CBL: variants seen among roughly 807,000 people sequenced by gnomAD.
CBL encodes E3 ubiquitin-protein ligase CBL.
CBL carries 45 observed loss-of-function variants against 96.9 expected under a neutral mutation model. The observed-to-expected ratio is 0.46, with a 90% CI of 0.37 to 0.60. CBL has a LOEUF of 0.60. Among genes scored for constraint, CBL ranks in the 20% least tolerant of loss-of-function variants. CBL has a pLI of 0.00. For missense variants in CBL, 1,024 were observed against 1,143.5 expected (o/e 0.90, Z 1.51); for synonymous variants, 420 against 426.8 (o/e 0.98, Z 0.20).
intron 1 of CBL, among the ~76,000 whole-genome samples, chr11:119,207,440 G>T (rs558341944): frequency 2.8e-4 from 42 of 152,270 alleles, no homozygotes; most frequent in African/African-American, 1.0e-3. Context: ...TTCTGGTAAC[G>T]GTTCTGACTC....
At chr11:119,281,912 C>A (rs1949937380) in intron 9 of CBL, among the ~76,000 whole-genome samples, 1 of 152,034 alleles carries the variant, frequency 6.6e-6, no homozygotes, top group Non-Finnish European at 1.5e-5. Context: ...ATGTAATAAA[C>A]CCTTTCTATT....
In CBL at chr11:119,306,530, G is replaced by C. The variant is rs972769340; in HGVS notation, c.*6749G>C. ...TGCCACCTCCATGCTGAGCCCTGAA[G>C]CAGGGTGTCCTGGGTGCCTGTGTGT... On this transcript the variant is annotated 3_prime_UTR_variant, in exon 16 of 16. Coordinates refer to ENST00000264033, the MANE Select transcript of CBL (RefSeq NM_005188.4). 2.5e-6 allele frequency: 1 copy of C among 396,472 alleles called. No individual in the cohort carries two copies. The highest frequency in any genetic ancestry group is 2.1e-5 in the African/African-American group (1 of 48,576). 24.6% of individuals were successfully genotyped at this position (396,472 alleles called of 1,614,324 possible).
chr11:119,228,151 C>T (rs908362318), intron 1 of CBL, among the ~76,000 whole-genome samples: 21 of 151,260 alleles, frequency 1.4e-4, no homozygotes, highest in African/African-American at 4.9e-4. Context: ...AGTCTCATTC[C>T]GTTGCCCAGG....
At chr11:119,224,988 A>G (rs1290014489) in intron 1 of CBL, among the ~76,000 whole-genome samples, 2 of 152,018 alleles carry the variant, frequency 1.3e-5, no homozygotes, top group African/African-American at 4.8e-5. Context: ...TGAAGGGTCA[A>G]CTGTATACCT....
intron 1 of CBL, 109 bp downstream of exon 1, chr11:119,206,721 GC>G (rs1437740386): frequency 2.4e-6 from 3 of 1,226,498 alleles, no homozygotes; most frequent in African/African-American, 3.1e-5. Flanking sequence ...GTCTGGTGAA[GC>G]CGGGGAGGCG....
At chr11:119,263,697 T>C (rs1949772492) in intron 2 of CBL, among the ~76,000 whole-genome samples, 1 of 152,242 alleles carries the variant, frequency 6.6e-6, no homozygotes, top group African/African-American at 2.4e-5. Context: ...AAGTCGATGA[T>C]AAGAGTTAAA....
intron 2 of CBL, among the ~76,000 whole-genome samples, chr11:119,255,199 C>T (rs1488585652): frequency 6.6e-6 from 1 of 152,114 alleles, no homozygotes; most frequent in Non-Finnish European, 1.5e-5. Flanking sequence ...AACTAGTGCC[C>T]TGGTACCTAG....
In CBL at chr11:119,301,169, C is replaced by T. The variant is rs1950099119; in HGVS notation, c.*1388C>T. 4.3e-6 allele frequency: 1 copy of T among 233,142 alleles called. No homozygotes were observed. Among genetic ancestry groups the T allele is most frequent in the Admixed American group, 5.6e-5 (1 of 17,782 alleles). 14.4% of individuals were successfully genotyped at this position (233,142 alleles called of 1,614,324 possible). ...CCTTTCCTTCCCTTTTCCTCTTCACCTGAGGTCCTAAATACTCTCTGTAAT... is the reference window on the plus strand; with the variant it reads ...CCTTTCCTTCCCTTTTCCTCTTCACTTGAGGTCCTAAATACTCTCTGTAAT... On this transcript the variant is annotated 3_prime_UTR_variant, in exon 16 of 16. Transcript: ENST00000264033.
chr11:119,299,457 C>A, intron 15 of CBL, 38 bp from the exon 16 acceptor site: 1 of 1,589,360 alleles, frequency 6.3e-7, no homozygotes, highest in Non-Finnish European at 8.6e-7. Context: ...TGAGGATTTC[C>A]CCAGATTTGC....
chr11:119,219,847 CTAT>C (rs1397972161), intron 1 of CBL, among the ~76,000 whole-genome samples: 5 of 113,758 alleles, frequency 4.4e-5, no homozygotes, highest in Non-Finnish European at 5.2e-5. Flanking sequence ...CCACGCCCGA[CTAT>C]TTTTTTTTTT....
intron 2 of CBL, among the ~76,000 whole-genome samples, chr11:119,250,902 G>T (rs1453860715): frequency 2.0e-5 from 3 of 152,166 alleles, no homozygotes; most frequent in Non-Finnish European, 4.4e-5. Context: ...AGGTAGCCAA[G>T]ATCACACCAC....
At chr11:119,274,084 T>A (rs75435945) in intron 4 of CBL, 60 bp downstream of exon 4, 1 of 1,177,586 alleles carries the variant, frequency 8.5e-7, no homozygotes, top group Non-Finnish European at 1.2e-6. Context: ...GAGAAAGCTT[T>A]TTTTTTTTTT....
intron 2 of CBL, among the ~76,000 whole-genome samples, chr11:119,254,203 C>T (rs933520372): frequency 6.6e-6 from 1 of 151,974 alleles, no homozygotes; most frequent in African/African-American, 2.4e-5. Context: ...AAGTCATGTT[C>T]ACTGAATTAT....
chr11:119,275,931 C>G lies in CBL; in HGVS notation c.870-66C>G, dbSNP rs1036444729. 1.2e-4 allele frequency: 171 copies of G among 1,427,900 alleles called. 1 individual carries two copies. The highest frequency in any genetic ancestry group is 1.6e-4 in the Non-Finnish European group (162 of 1,010,108). 88.5% of individuals were successfully genotyped at this position (1,427,900 alleles called of 1,614,324 possible). On this transcript the variant is annotated intron_variant, in intron 5 of 15. Transcript: ENST00000264033. ...TGGTTCTTTTGATTTTTGTCTGTATCTTGCCTTGCCTTCCACCGTAATACC... is the reference window on the plus strand; with the variant it reads ...TGGTTCTTTTGATTTTTGTCTGTATGTTGCCTTGCCTTCCACCGTAATACC...
chr11:119,244,424 T>A (rs949559201), intron 2 of CBL, among the ~76,000 whole-genome samples: 2 of 78,656 alleles, frequency 2.5e-5, no homozygotes, highest in Admixed American at 1.1e-4. Flanking sequence ...TTAATTAATT[T>A]TTTTTTTTTT....
At chr11:119,260,200 T>G (rs1252450621) in intron 2 of CBL, among the ~76,000 whole-genome samples, 1 of 152,052 alleles carries the variant, frequency 6.6e-6, no homozygotes, top group Non-Finnish European at 1.5e-5. Context: ...ATGATGAGCA[T>G]GGATTGATTA....
intron 15 of CBL, among the ~76,000 whole-genome samples, chr11:119,298,807 C>T (rs969327901): frequency 2.6e-5 from 4 of 152,192 alleles, no homozygotes; most frequent in African/African-American, 9.7e-5. Context: ...CTGAGTATGC[C>T]TTATGACACT....
At chr11:119,256,828 C>T (rs1479632289) in intron 2 of CBL, among the ~76,000 whole-genome samples, 1 of 151,898 alleles carries the variant, frequency 6.6e-6, no homozygotes, top group African/African-American at 2.4e-5. Context: ...ATTTTGTTTT[C>T]CATTCCTGAG....
rs2135298769 is a variant in CBL, at chr11:119,273,899, G to A, written c.622G>A (p.Ala208Thr). 2 of 1,614,142 alleles carry A rather than the reference G, an allele frequency of 1.2e-6. No homozygotes were observed. The highest frequency in any genetic ancestry group is 1.7e-6 in the Non-Finnish European group (2 of 1,180,000). ...TIVPWKSFRQ[A>T]LHEVHPISSG... is the part of the protein sequence containing the mutation. ...AGTCCCTTGGAAGAGCTTTCGACAG[G>A]CTCTACATGAAGTGCATCCCATCAG... The change falls in exon 4 of 16, where the codon GCT (alanine) becomes ACT (threonine). Residue 208 changes from alanine (A) to threonine (T), a missense_variant. Coordinates refer to ENST00000264033, the MANE Select transcript of CBL (RefSeq NM_005188.4).
Sources: gnomAD v4.1 joint callset for allele counts (sites outside exome capture counted in the v4.1 genomes callset) on GRCh38, gnomAD v4.1.1 for gene constraint, MANE v1.5 for transcripts, NCBI Gene and HGNC (gene_info 2026-07-23, HGNC 2026-07-21) for gene names.